Variants in HIF1AN observed in about 807,000 individuals in gnomAD.
HIF1AN encodes the protein hypoxia-inducible factor 1-alpha inhibitor.
HIF1AN carries 21 observed loss-of-function variants against 47.7 expected under a neutral mutation model. The observed-to-expected ratio is 0.44, with a 90% CI of 0.31 to 0.63. The LOEUF is 0.63. HIF1AN is among the 30% of genes least tolerant of loss of function. The probability of loss-of-function intolerance (pLI) is 0.07; values close to 1 mark genes in which losing one functional copy is unlikely to be tolerated. For missense variants in HIF1AN, 320 were observed against 432.7 expected, an observed-to-expected ratio of 0.74 and a Z score of 2.31; for synonymous variants, 152 against 155.9, an observed-to-expected ratio of 0.98 and a Z score of 0.18.
rs1207943980 is a variant in HIF1AN, at chr10:100,556,002, A to G, written c.*7865A>G. On this transcript the variant is annotated 3_prime_UTR_variant, in exon 8 of 8. Coordinates refer to ENST00000299163, the MANE Select transcript of HIF1AN (RefSeq NM_017902.3). ...TGTTTATATGTATGGGGAAGACATC[A>G]TTTACATTGTCAGGGTAAGGCTTAG... 2 of 152,228 alleles carry G rather than the reference A, an allele frequency of 1.3e-5. No homozygotes were observed. The highest frequency in any genetic ancestry group is 1.3e-4 in the Admixed American group (2 of 15,284). 9.4% of individuals were successfully genotyped at this position (152,228 alleles called of 1,614,324 possible).
chr10:100,540,907 C>T, intron 3 of HIF1AN, 125 bp downstream of exon 3: 3 of 893,654 alleles, frequency 3.4e-6, no homozygotes, highest in South Asian at 3.8e-5. Context: ...CCTCAGCCTA[C>T]TCAGCTCTAA....
Position 100,536,107 on chromosome 10 carries a change from C to G in HIF1AN, c.149C>G (p.Pro50Arg), listed in dbSNP as rs768819336. Residue 50 changes from proline (P) to arginine (R), a missense_variant, in exon 1 of 8, where the codon CCC becomes CGC. Pro to Arg is a moderately radical substitution (Grantham distance 103). This residue lies in a region of HIF1AN where 159 missense variants were observed against 159.9 expected (regional missense o/e 0.99). Coordinates refer to ENST00000299163, the MANE Select transcript of HIF1AN (RefSeq NM_017902.3). Reference protein sequence around the residue: ...RPIPRLSQSDPRAEELIENEE... With the variant: ...RPIPRLSQSDRRAEELIENEE... ...ATTCCGCGTCTGAGTCAGAGCGACC[C>G]CCGGGCAGAGGAGCTTATTGAGAAT... is the stretch of plus-strand genomic sequence containing the variant. 1.2e-6 allele frequency: 2 copies of G among 1,606,618 alleles called. No homozygotes were observed. The highest frequency in any genetic ancestry group is 2.2e-5 in the South Asian group (2 of 90,318).
chr10:100,536,529 A>G lies in HIF1AN; in HGVS notation c.296A>G (p.Lys99Arg). The G allele has an allele frequency of 1.9e-6, 3 of 1,614,184 alleles. No individual in the cohort carries two copies. The highest frequency in any genetic ancestry group is 2.5e-6 in the Non-Finnish European group (3 of 1,180,040). The change falls in exon 2 of 8, where the codon AAG (lysine) becomes AGG (arginine). Residue 99 changes from lysine (K) to arginine (R), a missense_variant. This residue lies in a region of HIF1AN where 159 missense variants were observed against 159.9 expected (regional missense o/e 0.99). Coordinates refer to ENST00000299163, the MANE Select transcript of HIF1AN (RefSeq NM_017902.3). ...TCTGTGTACAGTGCCAGCACCCACA[A>G]GTTCTTGTACTATGATGAGAAGAAG... ...DFSVYSASTH[K>R]FLYYDEKKMA...
chr10:100,546,543 A>G lies in HIF1AN; in HGVS notation c.856A>G (p.Asn286Asp). 2 of 1,613,304 alleles carry G rather than the reference A, an allele frequency of 1.2e-6. No individual in the cohort carries two copies. Among genetic ancestry groups the G allele is most frequent in the Non-Finnish European group, 1.7e-6 (2 of 1,179,788 alleles). ...GTGGCATCACATAGAGTCATTACTA[A>G]ATGGGGGGATTACCATCACTGTGAA... ...YWWHHIESLL[N>D]GGITITVNFW... The change falls in exon 6 of 8, where the codon AAT becomes GAT. Residue 286 changes from asparagine to aspartate, a missense_variant. Physicochemically the swap from Asn to Asp is conservative, Grantham distance 23. Transcript: ENST00000299163.
rs1398657880 is a variant in HIF1AN, at chr10:100,548,143, C to A, written c.*6C>A. ...TCAAGGGCCGATACAACTAGCCTGC[C>A]AGGGGTCAAGGCCTCCTGCCAGGTG... On this transcript the variant is annotated 3_prime_UTR_variant, in exon 8 of 8. Transcript: ENST00000299163. 6.2e-7 allele frequency: 1 copy of A among 1,607,480 alleles called. No homozygotes were observed. The highest frequency in any genetic ancestry group is 1.1e-5 in the South Asian group (1 of 90,018).
At position 100,540,542 on chromosome 10, in the gene HIF1AN, A is replaced by G. The variant is rs984736617; in HGVS notation, c.429-92A>G. 1.4e-6 allele frequency: 2 copies of G among 1,399,374 alleles called. 1 individual carries two copies. Among genetic ancestry groups the G allele is most frequent in the Admixed American group, 4.3e-5 (2 of 46,270 alleles). 86.7% of individuals were successfully genotyped at this position (1,399,374 alleles called of 1,614,324 possible). ...TCTGTTCTCTGTGGGAGATGCTGGT[A>G]TGGATTTGGGCTTGGATTTTCAGAT... is the stretch of plus-strand genomic sequence containing the variant. On this transcript the variant is annotated intron_variant, in intron 2 of 7. Coordinates refer to ENST00000299163, the MANE Select transcript of HIF1AN (RefSeq NM_017902.3).
At position 100,546,499 on chromosome 10, in the gene HIF1AN, C is replaced by A. The variant is rs777744858; in HGVS notation, c.831-19C>A. 24 of 1,474,976 alleles carry A rather than the reference C, an allele frequency of 1.6e-5. No individual in the cohort carries two copies. The highest frequency in any genetic ancestry group is 2.2e-5 in the South Asian group (2 of 89,062). The allele number at this position is 1,474,976 out of a possible 1,614,324, so 91.4% of individuals were successfully genotyped here. A position where few individuals can be genotyped will look rare whatever the true frequency, so the allele number is the denominator to read the frequency against. On this transcript the variant is annotated intron_variant, in intron 5 of 7. Transcript: ENST00000299163. ...CAAAAGTATCAGTAGTAAACAGGAG[C>A]CTGTTTGTTTTCTTGCAGGTGGCAT...
At position 100,552,650 on chromosome 10, in the gene HIF1AN, C is replaced by G. The variant is rs1447491975; in HGVS notation, c.*4513C>G. On this transcript the variant is annotated 3_prime_UTR_variant, in exon 8 of 8. Transcript: ENST00000299163. ...CCTGCCTAGTCTCTCCAGCGGCCTC[C>G]TTACCAAGACCCTTTTTCCTAAACA... The G allele has an allele frequency of 6.6e-6, 1 of 152,422 alleles. No homozygotes were observed. Among genetic ancestry groups the G allele is most frequent in the Non-Finnish European group, 1.5e-5 (1 of 68,184 alleles). The allele number at this position is 152,422 out of a possible 1,614,324, so 9.4% of individuals were successfully genotyped here. A position where few individuals can be genotyped will look rare whatever the true frequency, so the allele number is the denominator to read the frequency against.
At chr10:100,536,876 G>T (rs1357088353) in intron 2 of HIF1AN, among the ~76,000 whole-genome samples, 1 of 152,124 alleles carries the variant, frequency 6.6e-6, no homozygotes, top group African/African-American at 2.4e-5. Context: ...TAGCTTGAGG[G>T]ATGAGGGAAT....
intron 2 of HIF1AN, among the ~76,000 whole-genome samples, chr10:100,537,916 T>C (rs765061001): frequency 1.4e-4 from 21 of 152,258 alleles, no homozygotes; most frequent in Non-Finnish European, 1.8e-4. Flanking sequence ...GATCTGTCCA[T>C]GATGTCTTAA....
intron 3 of HIF1AN, among the ~76,000 whole-genome samples, chr10:100,543,665 C>T (rs995561342): frequency 6.6e-5 from 10 of 152,124 alleles, no homozygotes; most frequent in African/African-American, 2.2e-4. Context: ...CTCTGCCTTC[C>T]GGTTCACACC....
Position 100,553,810 on chromosome 10 carries a change from T to C in HIF1AN, c.*5673T>C, listed in dbSNP as rs1843189411. The stretch of plus-strand genomic sequence containing the variant: ...ATAATAACATGGGTGGAGGGAGGCA[T>C]GTTGAAAATATCTACCTCAGGGTTG... On this transcript the variant is annotated 3_prime_UTR_variant, in exon 8 of 8. Transcript: ENST00000299163. The C allele has an allele frequency of 6.6e-6, 1 of 152,224 alleles. No homozygotes were observed. Among genetic ancestry groups the C allele is most frequent in the African/African-American group, 2.4e-5 (1 of 41,432 alleles). The allele number at this position is 152,224 out of a possible 1,614,324, so 9.4% of individuals were successfully genotyped here.
Position 100,552,940 on chromosome 10 carries a change from C to T in HIF1AN, c.*4803C>T, listed in dbSNP as rs1843178018. ...TGTCTTCAGCCATCTTGGTTTAATC[C>T]TCATAGGTCATGGATGAATGGAGCC... On this transcript the variant is annotated 3_prime_UTR_variant, in exon 8 of 8. Coordinates refer to ENST00000299163, the MANE Select transcript of HIF1AN (RefSeq NM_017902.3). 1.3e-5 allele frequency: 2 copies of T among 152,108 alleles called. No homozygotes were observed. The highest frequency in any genetic ancestry group is 6.6e-5 in the Admixed American group (1 of 15,260). 9.4% of individuals were successfully genotyped at this position (152,108 alleles called of 1,614,324 possible).
rs916337565 is a variant in HIF1AN at position 100,557,242 on chromosome 10, G to A, written c.*9105G>A. ...TGGAGAGAACACAAGCTTCTGGCCA[G>A]TGAACCTAAGTGAGAATGTCAGTGG... On this transcript the variant is annotated 3_prime_UTR_variant, in exon 8 of 8. Transcript: ENST00000299163. The A allele has an allele frequency of 1.3e-5, 2 of 152,248 alleles. No homozygotes were observed. The highest frequency in any genetic ancestry group is 4.8e-5 in the African/African-American group (2 of 41,452). The allele number at this position is 152,248 out of a possible 1,614,324, so 9.4% of individuals were successfully genotyped here.
At chr10:100,546,679 C>CA in intron 6 of HIF1AN, 98 bp downstream of exon 6, 4 of 886,436 alleles carry the variant, frequency 4.5e-6, no homozygotes, top group Non-Finnish European at 7.4e-6. Context: ...TTGACTATCC[C>CA]TGGAAGTGAT....
chr10:100,538,658 T>TA (rs1852259199), intron 2 of HIF1AN, among the ~76,000 whole-genome samples: 1 of 151,792 alleles, frequency 6.6e-6, no homozygotes, highest in Admixed American at 6.6e-5. Flanking sequence ...CCGTCTCTAC[T>TA]AAAAATACAA....
At chr10:100,538,017 GAGAA>G (rs1487817847) in intron 2 of HIF1AN, among the ~76,000 whole-genome samples, 1 of 151,686 alleles carries the variant, frequency 6.6e-6, no homozygotes, top group Non-Finnish European at 1.5e-5. Context: ...CCAACATTGA[GAGAA>G]AGATTGATTT....
Position 100,549,064 on chromosome 10 carries a change from G to GCGTGTGTGTGTGTGTGTC in HIF1AN, c.*945_*962dup, listed in dbSNP as rs1371036287. The GCGTGTGTGTGTGTGTGTC allele has an allele frequency of 1.9e-5, 2 of 103,976 alleles. No individual in the cohort carries two copies. The highest frequency in any genetic ancestry group is 3.8e-5 in the African/African-American group (1 of 26,474). 6.4% of individuals were successfully genotyped at this position (103,976 alleles called of 1,614,324 possible). On this transcript the variant is annotated 3_prime_UTR_variant, in exon 8 of 8. Coordinates refer to ENST00000299163, the MANE Select transcript of HIF1AN (RefSeq NM_017902.3). ...TCTGGGTGTGTGTGTGTGTGTGCGT[G>GCGTGTGTGTGTGTGTGTC]CGTGTGTGTGTGTGTGTCCGTGTGT... is the stretch of plus-strand genomic sequence containing the variant.
rs1041663038 is a variant in HIF1AN, at chr10:100,558,058, T to G, written c.*9921T>G. ...GGACTCCACAGTACTGGAGATGGAG[T>G]AGGGACCTCTGGGAATCGTTGGCAT... On this transcript the variant is annotated 3_prime_UTR_variant, in exon 8 of 8. Coordinates refer to ENST00000299163, the MANE Select transcript of HIF1AN (RefSeq NM_017902.3). The G allele has an allele frequency of 1.3e-5, 2 of 151,982 alleles. No homozygotes were observed. Among genetic ancestry groups the G allele is most frequent in the Non-Finnish European group, 2.9e-5 (2 of 68,088 alleles). The allele number at this position is 151,982 out of a possible 1,614,324, so 9.4% of individuals were successfully genotyped here.
Sources: allele counts gnomAD v4.1 joint callset (sites outside exome capture counted in the v4.1 genomes callset), GRCh38; gene constraint gnomAD v4.1.1; regional missense constraint gnomAD v4.1.1; transcripts MANE v1.5; gene names NCBI Gene and HGNC (gene_info 2026-07-23, HGNC 2026-07-21).